Variants in SEMA3G observed in about 807,000 individuals in gnomAD.
SEMA3G encodes the protein semaphorin 3G.
SEMA3G carries 70 observed loss-of-function variants against 86.2 expected under a neutral mutation model. The ratio of observed to expected loss-of-function variants is 0.81; its 90% CI spans 0.67 to 0.99. The LOEUF is 0.99. Among genes scored for constraint, SEMA3G ranks in the 50% least tolerant of loss-of-function variants. The pLI is 0.00. For missense variants in SEMA3G, 1,002 were observed against 1,072.4 expected, an observed-to-expected ratio of 0.93 and a Z score of 0.92; for synonymous variants, 416 against 441.4, an observed-to-expected ratio of 0.94 and a Z score of 0.72.
Position 52,433,308 on chromosome 3 carries a change from A to C in SEMA3G, c.*2295T>G, listed in dbSNP as rs13091025. The C allele has an allele frequency of 0.09, 13,661 of 152,450 alleles. 843 individuals carry two copies. Among genetic ancestry groups the C allele is most frequent in the Non-Finnish European group, 0.13 (9,089 of 68,028 alleles). The allele number at this position is 152,450 out of a possible 1,614,324, so 9.4% of individuals were successfully genotyped here. A position where few individuals can be genotyped will look rare whatever the true frequency, so the allele number is the denominator to read the frequency against. ...TGCGCAGCATCAGTCCATTTAGTAC[A>C]ATACACAGATACACAGTAATGATAT... On this transcript the variant is annotated 3_prime_UTR_variant, in exon 16 of 16. Coordinates refer to ENST00000231721, the MANE Select transcript of SEMA3G (RefSeq NM_020163.3).
intron 9 of SEMA3G, 67 bp from the exon 10 acceptor site, chr3:52,440,588 C>A: frequency 6.5e-7 from 1 of 1,549,620 alleles, no homozygotes; most frequent in Non-Finnish European, 8.7e-7. Flanking sequence ...CAGCCTGGTT[C>A]CATGGGCAGG....
rs561801072 is a variant in SEMA3G at position 52,436,044 on chromosome 3, C to T, written c.1908G>A (p.Thr636=). The change falls in exon 16 of 16, where the codon ACG becomes ACA. Residue 636 remains threonine (T), a synonymous_variant. Coordinates refer to ENST00000231721, the MANE Select transcript of SEMA3G (RefSeq NM_020163.3). ...GCCTGCGGAACAGCAGCCCCCGCTC[C>T]GTGTGCAAGACTCGCTCGTCCGTCT... The part of the protein sequence containing the change: ...QVKTDERVLH[T]ERGLLFRRLS... 4.2e-5 allele frequency: 68 copies of T among 1,612,154 alleles called. No individual in the cohort carries two copies. Among genetic ancestry groups the T allele is most frequent in the Admixed American group, 1.2e-4 (7 of 59,978 alleles).
chr3:52,436,868 A>T (rs1393231513), intron 15 of SEMA3G, among the ~76,000 whole-genome samples: 1 of 152,160 alleles, frequency 6.6e-6, no homozygotes, highest in Non-Finnish European at 1.5e-5. Context: ...GGCCTCCCCC[A>T]GTTCCCAGGC....
At position 52,442,574 on chromosome 3, in the gene SEMA3G, C is replaced by G. The variant is rs145232334; in HGVS notation, c.324G>C (p.Lys108Asn). 1.2e-6 allele frequency: 2 copies of G among 1,614,138 alleles called. No individual in the cohort carries two copies. Among genetic ancestry groups the G allele is most frequent in the East Asian group, 2.2e-5 (1 of 44,870 alleles). ...QPGQREECVR[K>N]GRDPLTECAN... ...CAGCACTCACCAAAGGATCTCTTCCCTTTCGAACACACTCCTCCCTCTGTC... is the reference window on the plus strand; with the variant it reads ...CAGCACTCACCAAAGGATCTCTTCCGTTTCGAACACACTCCTCCCTCTGTC... Residue 108 changes from lysine (K) to asparagine (N), a missense_variant, in exon 3 of 16, where the codon AAG (lysine) becomes AAC (asparagine). Lys to Asn is a moderately conservative substitution (Grantham distance 94). Coordinates refer to ENST00000231721, the MANE Select transcript of SEMA3G (RefSeq NM_020163.3). The surrounding 1 kb of genome is among the most constrained non-coding windows in gnomAD (Gnocchi z 6.1).
chr3:52,440,203 G>C, intron 10 of SEMA3G, 105 bp from the exon 11 acceptor site: 2 of 1,220,820 alleles, frequency 1.6e-6, no homozygotes, highest in Non-Finnish European at 2.2e-6. Context: ...CTCACTGCAG[G>C]AGGGCTCTCC....
rs969104018 is a variant in SEMA3G at position 52,433,902 on chromosome 3, C to G, written c.*1701G>C. On this transcript the variant is annotated 3_prime_UTR_variant, in exon 16 of 16. Coordinates refer to ENST00000231721, the MANE Select transcript of SEMA3G (RefSeq NM_020163.3). Reference sequence around the variant, plus strand: ...CAGCTGACCTCCCAGCAGACAGCACCGCAGGCTGGAAGGCTTCTCAGGGCG... The same window carrying G: ...CAGCTGACCTCCCAGCAGACAGCACGGCAGGCTGGAAGGCTTCTCAGGGCG... The G allele has an allele frequency of 6.6e-6, 1 of 152,300 alleles. No individual in the cohort carries two copies. The highest frequency in any genetic ancestry group is 2.4e-5 in the African/African-American group (1 of 41,402). 9.4% of individuals were successfully genotyped at this position (152,300 alleles called of 1,614,324 possible).
At position 52,441,850 on chromosome 3, in the gene SEMA3G, C is replaced by T. The variant is rs780985945; in HGVS notation, c.519G>A (p.Glu173=). Reference sequence around the variant, plus strand: ...AGGTGCTGGCAAAGGGACGGCTGGGCTCGTGAGGGCACCGCCCCCGGCCAC... The same window carrying T: ...AGGTGCTGGCAAAGGGACGGCTGGGTTCGTGAGGGCACCGCCCCCGGCCAC... ...VESGRGRCPH[E]PSRPFASTFI... is the part of the protein sequence containing the mutation. Residue 173 remains glutamate (E), a synonymous_variant, in exon 5 of 16, where the codon GAG becomes GAA. Transcript: ENST00000231721. 10 of 1,601,060 alleles carry T rather than the reference C, an allele frequency of 6.2e-6. No individual in the cohort carries two copies. The highest frequency in any genetic ancestry group is 7.7e-6 in the Non-Finnish European group (9 of 1,174,036).
chr3:52,442,964 C>G lies in SEMA3G; in HGVS notation c.116-57G>C. 6.4e-7 allele frequency: 1 copy of G among 1,553,434 alleles called. No homozygotes were observed. The highest frequency in any genetic ancestry group is 8.7e-7 in the Non-Finnish European group (1 of 1,148,616). On this transcript the variant is annotated intron_variant, in intron 1 of 15. Coordinates refer to ENST00000231721, the MANE Select transcript of SEMA3G (RefSeq NM_020163.3). This position sits in a 1 kb window ranked among gnomAD's most constrained non-coding sequence, Gnocchi z 6.1. ...CCACAGCTCAGCCTAGTTCCCCAGC[C>G]AAGGAGTGGAGGTGGAGGCCCCGGC...
chr3:52,443,103 C>A, intron 1 of SEMA3G, 196 bp from the exon 2 acceptor site: 1 of 1,482,108 alleles, frequency 6.7e-7, no homozygotes, highest in Non-Finnish European at 9.1e-7. Context: ...CTCAGAGCCT[C>A]CCACCTGGCC....
At chr3:52,441,079 G>T (rs1461590707) in intron 7 of SEMA3G, 31 bp from the exon 8 acceptor site, 2 of 1,547,616 alleles carry the variant, frequency 1.3e-6, no homozygotes, top group African/African-American at 2.7e-5. Flanking sequence ...GTCACGCTTG[G>T]GCCCCACGAG....
rs755950547 is a variant in SEMA3G at position 52,440,026 on chromosome 3, G to A, written c.1216C>T (p.Gln406Ter). Residue 406 changes from glutamine (Q) to a stop codon, truncating the protein, a stop_gained, in exon 11 of 16, where the codon CAG (glutamine) becomes TAG (stop). Coordinates refer to ENST00000231721, the MANE Select transcript of SEMA3G (RefSeq NM_020163.3). LOFTEE classifies it high-confidence loss of function. ...STKDYPDEVL[Q>*]FARAHPLMFW... is the part of the protein sequence containing the mutation. ...ATGAGGGGGTGGGCTCGGGCAAACT[G>A]CAGCACCTCATCTGGGTAGTCCTTG... 1 of 1,611,938 alleles carries A rather than the reference G, an allele frequency of 6.2e-7. No individual in the cohort carries two copies. The highest frequency in any genetic ancestry group is 1.1e-5 in the South Asian group (1 of 91,018).
Position 52,437,990 on chromosome 3 carries a change from G to C in SEMA3G, c.1719C>G (p.Cys573Trp). ...DIRHGNPALQ[C>W]LGQSQEEEAV... Reference sequence around the variant, plus strand: ...ACTCACCTTCCTGGCTCTGGCCCAGGCACTGCAGGGCAGGGTTGCCGTGCC... The same window carrying C: ...ACTCACCTTCCTGGCTCTGGCCCAGCCACTGCAGGGCAGGGTTGCCGTGCC... Residue 573 changes from cysteine (C) to tryptophan (W), a missense_variant, in exon 14 of 16, where the codon TGC (cysteine) becomes TGG (tryptophan). Coordinates refer to ENST00000231721, the MANE Select transcript of SEMA3G (RefSeq NM_020163.3). The C allele has an allele frequency of 1.9e-6, 3 of 1,612,472 alleles. No homozygotes were observed. Among genetic ancestry groups the C allele is most frequent in the Non-Finnish European group, 2.5e-6 (3 of 1,179,798 alleles).
At position 52,436,351 on chromosome 3, in the gene SEMA3G, C is replaced by T. The variant is rs148811206; in HGVS notation, c.1879-278G>A. ...CTTAGTCAGAGGACTCCAATCTTGG[C>T]CTCAGAGGGCCCTGGCACACATTCC... On this transcript the variant is annotated intron_variant, in intron 15 of 15. Coordinates refer to ENST00000231721, the MANE Select transcript of SEMA3G (RefSeq NM_020163.3). Among the ~76,000 whole-genome samples, 196 of 152,354 alleles carry T rather than the reference C, an allele frequency of 1.3e-3. 1 individual carries two copies. Among genetic ancestry groups the T allele is most frequent in the South Asian group, 3.3e-3 (16 of 4,834 alleles).
In SEMA3G at chr3:52,435,626, G is replaced by T; in HGVS notation, c.2326C>A (p.Pro776Thr). Residue 776 changes from proline to threonine, a missense_variant, in exon 16 of 16, where the codon CCC (proline) becomes ACC (threonine). By Grantham distance (38) the Pro-to-Thr change is conservative. Transcript: ENST00000231721. The stretch of plus-strand genomic sequence containing the variant: ...TTCTACGTGGCCTCCACCTCCCGGG[G>T]CGTCCGATTGTGCTCGGCATGCACC... ...SRVHAEHNRT[P>T]REVEAT The T allele has an allele frequency of 6.2e-7, 1 of 1,612,752 alleles. No homozygotes were observed. Among genetic ancestry groups the T allele is most frequent in the Non-Finnish European group, 8.5e-7 (1 of 1,179,202 alleles).
Position 52,445,081 on chromosome 3 carries a change from C to A in SEMA3G, c.-54G>T. 1.6e-6 allele frequency: 2 copies of A among 1,252,038 alleles called. No homozygotes were observed. Among genetic ancestry groups the A allele is most frequent in the Non-Finnish European group, 1.0e-6 (1 of 994,388 alleles). 77.6% of individuals were successfully genotyped at this position (1,252,038 alleles called of 1,614,324 possible). ...CTGCCTGCAGAGCCGCCCTCTGGTC[C>A]CGCTGGCCGCCGGTTGTAGTTTGCT... On this transcript the variant is annotated 5_prime_UTR_variant, in exon 1 of 16. Transcript: ENST00000231721.
At chr3:52,437,822 C>T in intron 14 of SEMA3G, 149 bp downstream of exon 14, 1 of 1,106,306 alleles carries the variant, frequency 9.0e-7, no homozygotes, top group Non-Finnish European at 1.3e-6. Context: ...GACCCTGCTT[C>T]CATGCACTAG....
chr3:52,445,041 GGGCACC>G lies in SEMA3G; in HGVS notation c.-20_-15del. The stretch of plus-strand genomic sequence containing the variant: ...CGAGGGGGCCATGCTGGGGAACTGA[GGGCACC>G]GCTGCCGCCTGCCTGCAGAGCCGCC... On this transcript the variant is annotated 5_prime_UTR_variant, in exon 1 of 16. Coordinates refer to ENST00000231721, the MANE Select transcript of SEMA3G (RefSeq NM_020163.3). 1 of 1,266,324 alleles carries G rather than the reference GGGCACC, an allele frequency of 7.9e-7. No homozygotes were observed. Among genetic ancestry groups the G allele is most frequent in the Non-Finnish European group, 1.0e-6 (1 of 1,000,218 alleles). The allele number at this position is 1,266,324 out of a possible 1,614,324, so 78.4% of individuals were successfully genotyped here.
chr3:52,441,744 C>T (rs1286461472), intron 5 of SEMA3G, 54 bp from the exon 6 acceptor site: 4 of 1,590,570 alleles, frequency 2.5e-6, no homozygotes, highest in Admixed American at 1.7e-5. Context: ...GCCCAGCAGC[C>T]GGGTCCCTCC....
At position 52,442,966 on chromosome 3, in the gene SEMA3G, A is replaced by T; in HGVS notation, c.116-59T>A. 6.4e-7 allele frequency: 1 copy of T among 1,552,898 alleles called. No homozygotes were observed. Among genetic ancestry groups the T allele is most frequent in the East Asian group, 2.4e-5 (1 of 41,046 alleles). ...ACAGCTCAGCCTAGTTCCCCAGCCAAGGAGTGGAGGTGGAGGCCCCGGCTG... is the reference window on the plus strand; with the variant it reads ...ACAGCTCAGCCTAGTTCCCCAGCCATGGAGTGGAGGTGGAGGCCCCGGCTG... On this transcript the variant is annotated intron_variant, in intron 1 of 15. Coordinates refer to ENST00000231721, the MANE Select transcript of SEMA3G (RefSeq NM_020163.3). The surrounding 1 kb of genome is among the most constrained non-coding windows in gnomAD (Gnocchi z 6.1).
Sources: gnomAD v4.1 joint callset for allele counts (sites outside exome capture counted in the v4.1 genomes callset) on GRCh38, gnomAD v4.1.1 for gene constraint, Gnocchi (gnomAD v3.1) non-coding constraint, MANE v1.5 for transcripts, NCBI Gene and HGNC (gene_info 2026-07-23, HGNC 2026-07-21) for gene names.